C11orf24: variants seen among roughly 807,000 people sequenced by gnomAD.
The protein encoded by C11orf24 is chromosome 11 open reading frame 24.
A neutral mutation model predicts 7.3 loss-of-function variants in C11orf24; 5 were observed. The ratio of observed to expected loss-of-function variants is 0.69; its 90% CI spans 0.36 to 1.45. The LOEUF is 1.45. Among genes scored for constraint, C11orf24 ranks in the 40% most tolerant of loss-of-function variants. The pLI, the probability that C11orf24 is intolerant of heterozygous loss-of-function variation, is 0.03. For synonymous variants in C11orf24, 233 were observed against 235.7 expected, an observed-to-expected ratio of 0.99 and a Z score of 0.11; for missense variants, 566 against 590.5, an observed-to-expected ratio of 0.96 and a Z score of 0.43.
intron 1 of C11orf24, among the ~76,000 whole-genome samples, chr11:68,270,801 C>T (rs2098567543): frequency 6.6e-6 from 1 of 152,104 alleles, no homozygotes; most frequent in Admixed American, 6.5e-5. Context: ...AACACAAATA[C>T]AGGGCAAACT....
chr11:68,264,392 A>C (rs546379135), intron 2 of C11orf24, among the ~76,000 whole-genome samples: 2 of 151,308 alleles, frequency 1.3e-5, no homozygotes, highest in East Asian at 3.9e-4. Context: ...CCACTATTCT[A>C]TCCATCTACT....
chr11:68,265,717 G>A (rs1041679018), intron 2 of C11orf24, among the ~76,000 whole-genome samples: 6 of 152,064 alleles, frequency 3.9e-5, no homozygotes, highest in East Asian at 1.9e-4. Context: ...CCAGCTCCTC[G>A]GCTGAAGCAA....
At chr11:68,266,913 G>C (rs187581622) in intron 2 of C11orf24, among the ~76,000 whole-genome samples, 2 of 152,088 alleles carry the variant, frequency 1.3e-5, no homozygotes, top group African/African-American at 4.8e-5. Flanking sequence ...AGAGGGTCTC[G>C]GCTCCTGAAT....
chr11:68,271,461 C>A (rs1230127942), intron 1 of C11orf24, among the ~76,000 whole-genome samples: 6 of 152,140 alleles, frequency 3.9e-5, no homozygotes, highest in African/African-American at 1.4e-4. Flanking sequence ...GGGTCCAGTC[C>A]CGTCCTGGGC....
Position 68,261,964 on chromosome 11 carries a change from GGTGCCTGGGAT to G in C11orf24, c.1020_1030del (p.Ser341GlyfsTer6), listed in dbSNP as rs1191766672. The G allele has an allele frequency of 3.1e-6, 5 of 1,613,922 alleles. No individual in the cohort carries two copies. Among genetic ancestry groups the G allele is most frequent in the East Asian group, 2.2e-5 (1 of 44,878 alleles). On this transcript the variant is annotated frameshift_variant, in exon 4 of 4. Coordinates refer to ENST00000304271, the MANE Select transcript of C11orf24 (RefSeq NM_022338.4). LOFTEE classifies it low-confidence loss of function (END_TRUNC). ...TGTGGCTTCAGTCTCTACCTGCTCC[GGTGCCTGGGAT>G]GTGCCTGGCCCAGCGGCCCTCTGGG...
intron 1 of C11orf24, among the ~76,000 whole-genome samples, chr11:68,269,709 A>G (rs898457695): frequency 2.6e-5 from 4 of 152,242 alleles, no homozygotes; most frequent in African/African-American, 4.8e-5. Flanking sequence ...CCACAAGGCT[A>G]TATCAGGACA....
Position 68,261,966 on chromosome 11 carries a change from T to C in C11orf24, c.1029A>G (p.Ala343=). 1 of 1,613,946 alleles carries C rather than the reference T, an allele frequency of 6.2e-7. No individual in the cohort carries two copies. The highest frequency in any genetic ancestry group is 8.5e-7 in the Non-Finnish European group (1 of 1,180,014). The part of the protein sequence containing the change: ...QRAAGPGTSQ[A]PEQVETEATP... ...TGGCTTCAGTCTCTACCTGCTCCGGTGCCTGGGATGTGCCTGGCCCAGCGG... is the reference window on the plus strand; with the variant it reads ...TGGCTTCAGTCTCTACCTGCTCCGGCGCCTGGGATGTGCCTGGCCCAGCGG... Residue 343 remains alanine, a synonymous_variant, in exon 4 of 4, where the codon GCA becomes GCG. Transcript: ENST00000304271.
intron 1 of C11orf24, among the ~76,000 whole-genome samples, chr11:68,270,124 G>C (rs2098567166): frequency 6.6e-6 from 1 of 152,162 alleles, no homozygotes; most frequent in Non-Finnish European, 1.5e-5. Flanking sequence ...TGGGAAAAAA[G>C]AGACCCCAGG....
In C11orf24 at chr11:68,262,748, C is replaced by T; in HGVS notation, c.247G>A (p.Asp83Asn). 1.9e-6 allele frequency: 3 copies of T among 1,614,164 alleles called. No homozygotes were observed. Among genetic ancestry groups the T allele is most frequent in the Non-Finnish European group, 2.5e-6 (3 of 1,180,032 alleles). Residue 83 changes from aspartate (D) to asparagine (N), a missense_variant, in exon 4 of 4, where the codon GAC becomes AAC. Physicochemically the swap from Asp to Asn is conservative, Grantham distance 23. Coordinates refer to ENST00000304271, the MANE Select transcript of C11orf24 (RefSeq NM_022338.4). ...HLNSMEVTTEDTSRTDVSEPA... is the reference protein window; with the variant it reads ...HLNSMEVTTENTSRTDVSEPA... ...TCACTCACATCTGTCCTGCTTGTGT[C>T]CTCTGTTGTGACTTCCATAGAGTTG...
chr11:68,266,789 A>T (rs549597986), intron 2 of C11orf24, among the ~76,000 whole-genome samples: 5 of 152,132 alleles, frequency 3.3e-5, no homozygotes, highest in Admixed American at 6.5e-5. Flanking sequence ...ACATCTACCG[A>T]ATGTTTTTAA....
In C11orf24 at chr11:68,261,820, AG is replaced by A; in HGVS notation, c.1174del (p.Leu392SerfsTer6). 1 of 1,614,150 alleles carries A rather than the reference AG, an allele frequency of 6.2e-7. No homozygotes were observed. On this transcript the variant is annotated frameshift_variant, in exon 4 of 4. Coordinates refer to ENST00000304271, the MANE Select transcript of C11orf24 (RefSeq NM_022338.4). LOFTEE classifies it high-confidence loss of function. ...AGTTTTGTCTACCACGGCCTGGGTG[AG>A]GGGCTCAGTGGTGACCACCATGTAC... ...GQYMVVTTEP[L>X]TQAVVDKTLL...
Position 68,262,521 on chromosome 11 carries a change from G to A in C11orf24, c.474C>T (p.Ser158=), listed in dbSNP as rs1393739800. The A allele has an allele frequency of 3.1e-6, 5 of 1,612,298 alleles. No individual in the cohort carries two copies. The African/African-American group carries it at 6.7e-5, about 22-fold the overall frequency. ...GGAGTGCAAGTGTCATGGGAGTGCTGGAGGCCGCAGTCATACTGGAGGCTG... is the reference window on the plus strand; with the variant it reads ...GGAGTGCAAGTGTCATGGGAGTGCTAGAGGCCGCAGTCATACTGGAGGCTG... ...TTAASSMTAA[S]STPMTLALPA... Residue 158 remains serine, a synonymous_variant, in exon 4 of 4, where the codon TCC becomes TCT. Coordinates refer to ENST00000304271, the MANE Select transcript of C11orf24 (RefSeq NM_022338.4).
At chr11:68,268,473 C>T (rs559976932) in intron 1 of C11orf24, among the ~76,000 whole-genome samples, 3 of 152,164 alleles carry the variant, frequency 2.0e-5, no homozygotes, top group Non-Finnish European at 2.9e-5. Context: ...TAGTGGATCA[C>T]GAGGTCAGCA....
At position 68,261,605 on chromosome 11, in the gene C11orf24, C is replaced by G; in HGVS notation, c.*40G>C. The G allele has an allele frequency of 6.5e-7, 1 of 1,547,024 alleles. No homozygotes were observed. Among genetic ancestry groups the G allele is most frequent in the Non-Finnish European group, 8.8e-7 (1 of 1,142,638 alleles). ...TGGTCTCAAAGGCAAAAGGAAAGGA[C>G]GAGGAAGGGGCCAGGCCTCCCGCCA... On this transcript the variant is annotated 3_prime_UTR_variant, in exon 4 of 4. Transcript: ENST00000304271.
rs535387711 is a variant in C11orf24 at position 68,262,039 on chromosome 11, G to A, written c.956C>T (p.Ala319Val). ...PHTSPIPEMEAMSPTTQPSPM... is the reference protein window; with the variant it reads ...PHTSPIPEMEVMSPTTQPSPM... ...GCTTGGCTGTGTCGTGGGGGACATG[G>A]CCTCCATCTCAGGGATTGGGCTGGT... Residue 319 changes from alanine (A) to valine (V), a missense_variant, in exon 4 of 4, where the codon GCC (alanine) becomes GTC (valine). Ala to Val is a moderately conservative substitution (Grantham distance 64). Coordinates refer to ENST00000304271, the MANE Select transcript of C11orf24 (RefSeq NM_022338.4). 21 of 1,614,050 alleles carry A rather than the reference G, an allele frequency of 1.3e-5. No homozygotes were observed. The African/African-American group carries it at 2.4e-4, about 18-fold the overall frequency.
At chr11:68,265,178 G>A (rs1453142928) in intron 2 of C11orf24, among the ~76,000 whole-genome samples, 1 of 152,106 alleles carries the variant, frequency 6.6e-6, no homozygotes, top group African/African-American at 2.4e-5. Flanking sequence ...AGCGTGGTGA[G>A]GCGGGAATTA....
Position 68,262,770 on chromosome 11 carries a change from G to T in C11orf24, c.225C>A (p.Asn75Lys). Residue 75 changes from asparagine to lysine, a missense_variant, in exon 4 of 4, where the codon AAC (asparagine) becomes AAA (lysine). Transcript: ENST00000304271. ...LTKGTSAAHL[N>K]SMEVTTEDTS... ...TGTCCTCTGTTGTGACTTCCATAGA[G>T]TTGAGGTGGGCTGCCGAAGTCCCTT... 6.2e-7 allele frequency: 1 copy of T among 1,614,168 alleles called. No homozygotes were observed. The highest frequency in any genetic ancestry group is 8.5e-7 in the Non-Finnish European group (1 of 1,180,038).
intron 2 of C11orf24, among the ~76,000 whole-genome samples, chr11:68,265,418 G>C (rs902096642): frequency 4.6e-5 from 7 of 152,222 alleles, no homozygotes; most frequent in Admixed American, 4.6e-4. Context: ...GACTGCAGTG[G>C]TCCCCACAGC....
At chr11:68,265,377 A>G (rs778345013) in intron 2 of C11orf24, among the ~76,000 whole-genome samples, 15 of 152,228 alleles carry the variant, frequency 9.9e-5, no homozygotes, top group Admixed American at 9.2e-4. Flanking sequence ...GAATGAAGGC[A>G]TGAGTGAATG....
Sources: gnomAD v4.1 joint callset for allele counts (sites outside exome capture counted in the v4.1 genomes callset) on GRCh38, gnomAD v4.1.1 for gene constraint, MANE v1.5 for transcripts, NCBI Gene and HGNC (gene_info 2026-07-23, HGNC 2026-07-21) for gene names.